OR51B5: variants seen among roughly 807,000 people sequenced by gnomAD.
OR51B5 encodes olfactory receptor family 51 subfamily B member 5.
For missense variants in OR51B5, 456 were observed against 374.6 expected, an observed-to-expected ratio of 1.22 and a Z score of -1.79; for synonymous variants, 186 against 144.8, an observed-to-expected ratio of 1.28 and a Z score of -2.04.
At chr11:5,457,027 A>T (rs575259125) in intron 1 of OR51B5, among the ~76,000 whole-genome samples, 15 of 152,170 alleles carry the variant, frequency 9.9e-5, no homozygotes, top group Non-Finnish European at 1.6e-4. Flanking sequence ...TGCCAGCATC[A>T]TGCTTCCCGT....
intron 1 of OR51B5, among the ~76,000 whole-genome samples, chr11:5,411,848 A>G (rs1160291161): frequency 6.6e-6 from 1 of 152,212 alleles, no homozygotes; most frequent in East Asian, 1.9e-4. Flanking sequence ...GGCTTTGTAG[A>G]GAGAGAAATT....
chr11:5,342,647 T>TA lies in OR51B5; in HGVS notation c.877_878insT (p.Lys293IlefsTer17). The TA allele has an allele frequency of 1.9e-6, 3 of 1,612,198 alleles. No individual in the cohort carries two copies. In the African/African-American group the frequency reaches 4.0e-5, roughly 22 times the overall value. The stretch of plus-strand genomic sequence containing the variant: ...AATGGCATTCTGAATCTGCTTGGTC[T>TA]TGACACTATATGTTATAGGATTCAT... On this transcript the variant is annotated frameshift_variant, in exon 1 of 1. Transcript: ENST00000300773. LOFTEE classifies it low-confidence loss of function (END_TRUNC).
intron 1 of OR51B5, among the ~76,000 whole-genome samples, chr11:5,404,560 A>G (rs116076363): frequency 0.16 from 24,529 of 152,052 alleles, 2,451 homozygotes; most frequent in African/African-American, 0.29. Context: ...GGACCAAGAA[A>G]CAGGATGTGG....
At chr11:5,411,750 C>G (rs1392797417) in intron 1 of OR51B5, among the ~76,000 whole-genome samples, 1 of 152,158 alleles carries the variant, frequency 6.6e-6, no homozygotes. Context: ...CCAACATAAT[C>G]ACTAGTGTCC....
chr11:5,403,512 G>A (rs1315816702), intron 1 of OR51B5: 1 of 471,626 alleles, frequency 2.1e-6, no homozygotes, highest in Non-Finnish European at 4.4e-6. Context: ...TGGTGCCATT[G>A]TCCGAATGCT....
In OR51B5 at chr11:5,453,884, T is replaced by C. The variant is rs375451655; in HGVS notation, n.84+51685A>G. The C allele has an allele frequency of 9.9e-6, 16 of 1,614,120 alleles. No individual in the cohort carries two copies. In the African/African-American group the frequency reaches 1.3e-4, roughly 13 times the overall value. Reference sequence around the variant, plus strand: ...TGGCCATTTGTGACCCCTTGCGCTATGCAACTGTGCTCACCACTGAAGTCA... The same window carrying C: ...TGGCCATTTGTGACCCCTTGCGCTACGCAACTGTGCTCACCACTGAAGTCA... On this transcript the variant is annotated intron_variant and non_coding_transcript_variant, in intron 1 of 4. Coordinates refer to the OR51B5 transcript ENST00000415970.
intron 1 of OR51B5, chr11:5,469,022 T>A (rs924585607): frequency 3.2e-6 from 1 of 312,178 alleles, no homozygotes; most frequent in Admixed American, 4.4e-5. Context: ...CACTGTGGCA[T>A]AGCGCAGCGG....
rs1423092492 is a variant in OR51B5 at position 5,505,489 on chromosome 11, A to C, written n.84+80T>G. On this transcript the variant is annotated intron_variant and non_coding_transcript_variant, in intron 1 of 4. Coordinates refer to the OR51B5 transcript ENST00000415970. ...TGGAGTGAGGGGAAACTGAAGCTGTATTTGTCCGTTTTCACGCTGCTAATG... is the reference window on the plus strand; with the variant it reads ...TGGAGTGAGGGGAAACTGAAGCTGTCTTTGTCCGTTTTCACGCTGCTAATG... The C allele has an allele frequency of 3.1e-6, 4 of 1,290,128 alleles. No individual in the cohort carries two copies. The African/African-American group carries it at 4.6e-5, about 15-fold the overall frequency. The allele number at this position is 1,290,128 out of a possible 1,614,324, so 79.9% of individuals were successfully genotyped here. A position where few individuals can be genotyped will look rare whatever the true frequency, so the allele number is the denominator to read the frequency against.
At chr11:5,455,688 G>C (rs182857851) in intron 1 of OR51B5, 1 of 152,190 alleles carries the variant, frequency 6.6e-6, no homozygotes, top group Admixed American at 6.5e-5. Flanking sequence ...CAGAAACCAC[G>C]TAGTAGCAAA....
At chr11:5,503,059 A>G (rs1846320584) in intron 1 of OR51B5, among the ~76,000 whole-genome samples, 1 of 152,226 alleles carries the variant, frequency 6.6e-6, no homozygotes, top group Non-Finnish European at 1.5e-5. Flanking sequence ...GCACAGTACA[A>G]TCATAGTTGT....
chr11:5,377,666 AACAG>A (rs1251301375), intron 1 of OR51B5, among the ~76,000 whole-genome samples: 1 of 150,420 alleles, frequency 6.6e-6, no homozygotes, highest in African/African-American at 2.5e-5. Flanking sequence ...ATACACCAAT[AACAG>A]ACAAACAGAG....
At chr11:5,478,773 G>A (rs1342077968) in intron 1 of OR51B5, among the ~76,000 whole-genome samples, 1 of 151,104 alleles carries the variant, frequency 6.6e-6, no homozygotes, top group Non-Finnish European at 1.5e-5. Context: ...AATGGAAGAT[G>A]AAATGAATGA....
intron 1 of OR51B5, among the ~76,000 whole-genome samples, chr11:5,400,795 C>T (rs1173310458): frequency 6.6e-6 from 1 of 152,198 alleles, no homozygotes; most frequent in Admixed American, 6.5e-5. Flanking sequence ...AGGTCCTTGA[C>T]ATAGAGGTGT....
chr11:5,448,786 A>C (rs866209426), intron 1 of OR51B5, among the ~76,000 whole-genome samples: 31 of 152,210 alleles, frequency 2.0e-4, no homozygotes, highest in African/African-American at 7.0e-4. Flanking sequence ...TAGCACATGA[A>C]GGATGAAAGA....
chr11:5,428,281 G>C (rs1589991596), intron 1 of OR51B5, among the ~76,000 whole-genome samples: 2 of 151,632 alleles, frequency 1.3e-5, no homozygotes, highest in East Asian at 1.9e-4. Context: ...GCAAAAAAAA[G>C]AGTCATACTT....
intron 1 of OR51B5, among the ~76,000 whole-genome samples, chr11:5,439,506 C>A (rs1850643003): frequency 6.6e-6 from 1 of 152,062 alleles, no homozygotes; most frequent in African/African-American, 2.4e-5. Context: ...TATCTGTAAC[C>A]AATATTCTAG....
chr11:5,460,566 T>G (rs940318882), intron 1 of OR51B5, among the ~76,000 whole-genome samples: 2 of 151,692 alleles, frequency 1.3e-5, no homozygotes, highest in African/African-American at 2.4e-5. Flanking sequence ...GATTCTGAAT[T>G]CTTTATCTGT....
At chr11:5,345,613 T>A (rs1848978421), upstream of OR51B5, among the ~76,000 whole-genome samples, 1 of 152,160 alleles carries the variant, frequency 6.6e-6, no homozygotes, top group African/African-American at 2.4e-5. Flanking sequence ...AGCAAATGCA[T>A]CCCTTGCTTT....
chr11:5,429,465 T>C (rs1850502935), intron 1 of OR51B5, among the ~76,000 whole-genome samples: 1 of 152,156 alleles, frequency 6.6e-6, no homozygotes, highest in Non-Finnish European at 1.5e-5. Context: ...TCATTGTAAT[T>C]GGAGGCCCCA....
Sources: allele counts gnomAD v4.1 joint callset (sites outside exome capture counted in the v4.1 genomes callset), GRCh38; gene constraint gnomAD v4.1.1; transcripts MANE v1.5; gene names NCBI Gene and HGNC (gene_info 2026-07-23, HGNC 2026-07-21).